Variants in CHCHD6 observed in about 807,000 individuals in gnomAD.
The protein encoded by CHCHD6 is MICOS complex subunit MIC25.
In CHCHD6, 28 loss-of-function variants were observed where a neutral mutation model predicts 32.3. The observed-to-expected ratio is 0.87, with a 90% confidence interval of 0.64 to 1.19. The LOEUF (loss-of-function observed/expected upper bound fraction) is 1.19, where lower values mean the gene tolerates loss of function less well. Among genes scored for constraint, CHCHD6 ranks in the 50% most tolerant of loss-of-function variants. The pLI is 0.00. For missense variants in CHCHD6, 333 were observed against 307.0 expected, an observed-to-expected ratio of 1.08 and a Z score of -0.63; for synonymous variants, 122 against 117.5, an observed-to-expected ratio of 1.04 and a Z score of -0.25.
chr3:126,800,954 C>T lies in CHCHD6; in HGVS notation c.412-51693C>T, dbSNP rs367952355. 3.3e-4 allele frequency among the ~76,000 whole-genome samples: 50 copies of T among 152,308 alleles called. 2 individuals are homozygous for T. The South Asian group carries it at 0.01, about 32-fold the overall frequency. ...GACAAATCACTTCCATAGAAACAGA[C>T]CTTGCAATCAGTTTGTTATTGCTTC... On this transcript the variant is annotated intron_variant, in intron 4 of 7. Coordinates refer to ENST00000290913, the MANE Select transcript of CHCHD6 (RefSeq NM_032343.3).
chr3:126,728,095 C>T (rs1320957082), intron 2 of CHCHD6, among the ~76,000 whole-genome samples: 1 of 152,140 alleles, frequency 6.6e-6, no homozygotes. Context: ...GTTGCCTTTT[C>T]TACTCATCTT....
chr3:126,792,244 A>ATAGAATATATTAGAATATATATTC (rs1938582932), intron 4 of CHCHD6, among the ~76,000 whole-genome samples: 1 of 146,044 alleles, frequency 6.8e-6, no homozygotes, highest in African/African-American at 2.6e-5. Flanking sequence ...ATATTCTAAT[A>ATAGAATATATTAGAATATATATTC]TAGAATATAT....
chr3:126,943,179 C>T (rs968959924), intron 6 of CHCHD6, among the ~76,000 whole-genome samples: 4 of 152,226 alleles, frequency 2.6e-5, no homozygotes, highest in Non-Finnish European at 5.9e-5. Flanking sequence ...TGCAAGCAGG[C>T]CACTGCCACC....
intron 4 of CHCHD6, among the ~76,000 whole-genome samples, chr3:126,841,396 G>C (rs895973440): frequency 6.6e-6 from 1 of 152,154 alleles, no homozygotes; most frequent in Non-Finnish European, 1.5e-5. Flanking sequence ...GACAGATCTA[G>C]TATTCAAATC....
intron 6 of CHCHD6, among the ~76,000 whole-genome samples, chr3:126,921,014 A>G (rs547878091): frequency 6.6e-6 from 1 of 152,134 alleles, no homozygotes; most frequent in East Asian, 1.9e-4. Context: ...AAGCTGCTCC[A>G]TTGTAGCTGG....
chr3:126,774,298 T>C (rs1937596574), intron 4 of CHCHD6, among the ~76,000 whole-genome samples: 1 of 152,216 alleles, frequency 6.6e-6, no homozygotes, highest in African/African-American at 2.4e-5. Flanking sequence ...TTATGCCCTT[T>C]TGCAAAGGCT....
At chr3:126,754,646 G>A (rs547991456) in intron 4 of CHCHD6, among the ~76,000 whole-genome samples, 29 of 152,222 alleles carry the variant, frequency 1.9e-4, no homozygotes, top group Admixed American at 6.5e-5. Flanking sequence ...AATCCTGTGT[G>A]CTCCTAATTG....
chr3:126,724,498 A>G lies in CHCHD6; in HGVS notation c.88-2580A>G, dbSNP rs189189434. On this transcript the variant is annotated intron_variant, in intron 1 of 7. Transcript: ENST00000290913. ...TGATCATCTGAGCCTTTAGTGAGTC[A>G]TAATCTTTTTGCTGGTGGGGGGTCT... 2.0e-5 allele frequency among the ~76,000 whole-genome samples: 3 copies of G among 152,346 alleles called. No homozygotes were observed. In the East Asian group the frequency reaches 5.8e-4, roughly 29 times the overall value.
At chr3:126,824,649 C>T (rs979014305) in intron 4 of CHCHD6, among the ~76,000 whole-genome samples, 6 of 149,700 alleles carry the variant, frequency 4.0e-5, no homozygotes, top group Non-Finnish European at 7.4e-5. Context: ...TGAAATGGCA[C>T]GATCTCGGCT....
intron 1 of CHCHD6, among the ~76,000 whole-genome samples, chr3:126,715,069 G>C (rs181562791): frequency 6.6e-6 from 1 of 152,054 alleles, no homozygotes; most frequent in African/African-American, 2.4e-5. Context: ...GTGGGTATAC[G>C]GATGCTCTGC....
At chr3:126,756,017 A>G (rs995959985) in intron 4 of CHCHD6, among the ~76,000 whole-genome samples, 2 of 152,144 alleles carry the variant, frequency 1.3e-5, no homozygotes, top group Non-Finnish European at 2.9e-5. Flanking sequence ...TAAACTGTCC[A>G]GGGCCGTGCA....
At chr3:126,832,002 A>C (rs1047385729) in intron 4 of CHCHD6, among the ~76,000 whole-genome samples, 1 of 152,190 alleles carries the variant, frequency 6.6e-6, no homozygotes, top group African/African-American at 2.4e-5. Flanking sequence ...ATGTCTAAAA[A>C]TATTTGGCCA....
At chr3:126,839,530 T>C (rs1940987806) in intron 4 of CHCHD6, among the ~76,000 whole-genome samples, 1 of 152,104 alleles carries the variant, frequency 6.6e-6, no homozygotes, top group East Asian at 1.9e-4. Flanking sequence ...TAGGTAGACA[T>C]AGTTCTCATT....
At chr3:126,800,969 G>A (rs1327469284) in intron 4 of CHCHD6, among the ~76,000 whole-genome samples, 1 of 152,178 alleles carries the variant, frequency 6.6e-6, no homozygotes, top group Non-Finnish European at 1.5e-5. Flanking sequence ...CAATCAGTTT[G>A]TTATTGCTTC....
intron 6 of CHCHD6, among the ~76,000 whole-genome samples, chr3:126,927,875 G>C (rs542516426): frequency 6.6e-6 from 1 of 152,174 alleles, no homozygotes; most frequent in South Asian, 2.1e-4. Flanking sequence ...TTTAGAGAAA[G>C]CTTTGCATCA....
chr3:126,826,599 G>A (rs948753396), intron 4 of CHCHD6, among the ~76,000 whole-genome samples: 44 of 152,090 alleles, frequency 2.9e-4, no homozygotes, highest in African/African-American at 2.7e-4. Flanking sequence ...TTGTAATGGC[G>A]GCAGAAGGAG....
intron 5 of CHCHD6, among the ~76,000 whole-genome samples, chr3:126,864,917 T>TCCTCCACCATCACCTC (rs1942206206): frequency 6.8e-5 from 2 of 29,434 alleles, no homozygotes; most frequent in Admixed American, 6.3e-4. Context: ...ACCATCACCT[T>TCCTCCACCATCACCTC]CTCCTCCACC....
At chr3:126,936,471 A>G (rs2078481824) in intron 6 of CHCHD6, among the ~76,000 whole-genome samples, 1 of 152,220 alleles carries the variant, frequency 6.6e-6, no homozygotes, top group African/African-American at 2.4e-5. Context: ...ATACCAAAAA[A>G]AGTAAAATCT....
intron 5 of CHCHD6, among the ~76,000 whole-genome samples, chr3:126,905,021 C>G (rs184624051): frequency 6.6e-6 from 1 of 152,064 alleles, no homozygotes; most frequent in Non-Finnish European, 1.5e-5. Context: ...AGGCCAGGGG[C>G]GGGAGCAGTG....
Sources: allele counts gnomAD v4.1 joint callset (sites outside exome capture counted in the v4.1 genomes callset), GRCh38; gene constraint gnomAD v4.1.1; transcripts MANE v1.5; gene names NCBI Gene and HGNC (gene_info 2026-07-23, HGNC 2026-07-21).